MYO18A: variants seen among roughly 807,000 people sequenced by gnomAD.
MYO18A encodes the protein myosin XVIIIA.
A neutral mutation model predicts 235.8 loss-of-function variants in MYO18A; 78 were observed. That is an observed-to-expected ratio of 0.33 (90% CI 0.28 to 0.40). The LOEUF (loss-of-function observed/expected upper bound fraction) is 0.40, where lower values mean the gene tolerates loss of function less well. Among genes scored for constraint, MYO18A ranks in the 10% least tolerant of loss-of-function variants. The probability of loss-of-function intolerance (pLI) is 1.00; values close to 1 mark genes in which losing one functional copy is unlikely to be tolerated. For missense variants in MYO18A, 2,215 were observed against 2,699.3 expected (o/e 0.82, Z 3.98); for synonymous variants, 977 against 1,077.8 (o/e 0.91, Z 1.83).
chr17:29,162,719 C>T (rs185189906), intron 2 of MYO18A, among the ~76,000 whole-genome samples: 21 of 152,330 alleles, frequency 1.4e-4, no homozygotes, highest in Middle Eastern at 3.4e-3. Context: ...AGTAAGTGCT[C>T]AACAAATGCT....
intron 34 of MYO18A, 189 bp from the exon 35 acceptor site, chr17:29,091,115 G>C (rs2066388607): frequency 6.8e-6 from 4 of 587,960 alleles, no homozygotes; most frequent in Non-Finnish European, 9.1e-6. Context: ...ATGAGGGAAA[G>C]GGCTGTGTGC....
At chr17:29,170,197 C>G (rs2068371228) in intron 1 of MYO18A, among the ~76,000 whole-genome samples, 1 of 152,210 alleles carries the variant, frequency 6.6e-6, no homozygotes, top group African/African-American at 2.4e-5. Flanking sequence ...AAAGGCACCC[C>G]TCTCATCCCA....
chr17:29,158,629 G>C lies in MYO18A; in HGVS notation c.999+7313C>G, dbSNP rs907503865. ...GGCTGCCTGCCCAGGCAGCAGGGGA[G>C]CCCTCACCTCAGCTGGGTCACCAGT... On this transcript the variant is annotated intron_variant, in intron 2 of 41. Coordinates refer to ENST00000527372, the MANE Select transcript of MYO18A (RefSeq NM_078471.4). The surrounding 1 kb of genome is among the most constrained non-coding windows in gnomAD (Gnocchi z 4.3). 6.6e-6 allele frequency among the ~76,000 whole-genome samples: 1 copy of C among 152,180 alleles called. No individual in the cohort carries two copies. Among genetic ancestry groups the C allele is most frequent in the African/African-American group, 2.4e-5 (1 of 41,458 alleles).
chr17:29,140,464 C>T lies in MYO18A; in HGVS notation c.1000-18211G>A, dbSNP rs1182007454. 1 of 1,211,254 alleles carries T rather than the reference C, an allele frequency of 8.3e-7. No individual in the cohort carries two copies. Among genetic ancestry groups the T allele is most frequent in the Non-Finnish European group, 1.1e-6 (1 of 949,518 alleles). The allele number at this position is 1,211,254 out of a possible 1,614,324, so 75.0% of individuals were successfully genotyped here. On this transcript the variant is annotated intron_variant, in intron 2 of 41. Coordinates refer to ENST00000527372, the MANE Select transcript of MYO18A (RefSeq NM_078471.4). This position sits in a 1 kb window ranked among gnomAD's most constrained non-coding sequence, Gnocchi z 4.2. ...CCCAGTTCCCGCCCTCTCCCCGGCC[C>T]CTCCCGTCCCGAGCTGCCCAGCCCT...
intron 1 of MYO18A, 100 bp from the exon 2 acceptor site, chr17:29,167,121 G>T: frequency 1.2e-6 from 1 of 809,944 alleles, no homozygotes; most frequent in Non-Finnish European, 1.9e-6. Flanking sequence ...CTCACTGGGT[G>T]CTAGCTATGT....
intron 14 of MYO18A, 108 bp from the exon 15 acceptor site, chr17:29,114,205 T>C (rs759187867): frequency 3.8e-6 from 3 of 790,288 alleles, no homozygotes; most frequent in Non-Finnish European, 6.4e-6. Flanking sequence ...AACCTCCTTC[T>C]GTGCCGTGCA....
intron 2 of MYO18A, among the ~76,000 whole-genome samples, chr17:29,142,517 G>T (rs1471443345): frequency 6.6e-6 from 1 of 152,198 alleles, no homozygotes; most frequent in Admixed American, 6.5e-5. Flanking sequence ...AAGTTCTCAG[G>T]CCAGCAGCGT....
chr17:29,145,824 GC>G (rs1470056020), intron 2 of MYO18A, among the ~76,000 whole-genome samples: 1 of 152,190 alleles, frequency 6.6e-6, no homozygotes, highest in East Asian at 1.9e-4. Context: ...AAGTTCAGAG[GC>G]AAAGATCTGT....
chr17:29,136,457 T>G (rs2067606127), intron 2 of MYO18A, among the ~76,000 whole-genome samples: 1 of 152,048 alleles, frequency 6.6e-6, no homozygotes, highest in Non-Finnish European at 1.5e-5. Context: ...AAGGCCTCTC[T>G]TCCTTGACTT....
At position 29,121,773 on chromosome 17, in the gene MYO18A, C is replaced by G; in HGVS notation, c.1195-50G>C. On this transcript the variant is annotated intron_variant, in intron 4 of 41. Transcript: ENST00000527372. The surrounding 1 kb of genome is among the most constrained non-coding windows in gnomAD (Gnocchi z 4.2). Reference sequence around the variant, plus strand: ...GTATTAGAGCAGCAGAGCCCATCTCCGCTGCCAGAGGATGGGCCTGCCCTG... The same window carrying G: ...GTATTAGAGCAGCAGAGCCCATCTCGGCTGCCAGAGGATGGGCCTGCCCTG... 6.2e-7 allele frequency: 1 copy of G among 1,602,816 alleles called. No individual in the cohort carries two copies. The highest frequency in any genetic ancestry group is 8.5e-7 in the Non-Finnish European group (1 of 1,173,192).
intron 2 of MYO18A, among the ~76,000 whole-genome samples, chr17:29,154,276 C>A (rs1343850135): frequency 1.1e-4 from 17 of 152,022 alleles, no homozygotes. Flanking sequence ...GGCGTGTAGA[C>A]AGGCCTCAGT....
chr17:29,166,705 G>A lies in MYO18A; in HGVS notation c.236C>T (p.Thr79Ile). 1 of 1,613,878 alleles carries A rather than the reference G, an allele frequency of 6.2e-7. No homozygotes were observed. The highest frequency in any genetic ancestry group is 8.5e-7 in the Non-Finnish European group (1 of 1,179,886). Reference sequence around the variant, plus strand: ...CCGGTTACTATCGGAGTCAATGTCAGTCAGGTGCAGGTCAGAGCCGCTGGC... The same window carrying A: ...CCGGTTACTATCGGAGTCAATGTCAATCAGGTGCAGGTCAGAGCCGCTGGC... The part of the protein sequence containing the change: ...KVASGSDLHL[T>I]DIDSDSNRGS... The change falls in exon 2 of 42, where the codon ACT (threonine) becomes ATT (isoleucine). Residue 79 changes from threonine to isoleucine, a missense_variant. Physicochemically the swap from Thr to Ile is moderately conservative, Grantham distance 89 (BLOSUM62 -1). Coordinates refer to ENST00000527372, the MANE Select transcript of MYO18A (RefSeq NM_078471.4).
chr17:29,080,646 C>T, intron 41 of MYO18A: 1 of 985,592 alleles, frequency 1.0e-6, no homozygotes, highest in Non-Finnish European at 1.2e-6. Context: ...AGCCCCGCCG[C>T]GTGGCCGAGG....
chr17:29,080,228 G>A (rs2066086158), intron 41 of MYO18A: 9 of 985,892 alleles, frequency 9.1e-6, no homozygotes, highest in African/African-American at 1.7e-5. Flanking sequence ...CTGCTCCGCT[G>A]GAATGGAACA....
At position 29,099,677 on chromosome 17, in the gene MYO18A, G is replaced by C. The variant is rs1194772878; in HGVS notation, c.3593C>G (p.Ala1198Gly). 2.5e-6 allele frequency: 4 copies of C among 1,613,804 alleles called. No individual in the cohort carries two copies. Among genetic ancestry groups the C allele is most frequent in the Non-Finnish European group, 3.4e-6 (4 of 1,179,864 alleles). Residue 1198 changes from alanine to glycine, a missense_variant, in exon 22 of 42, where the codon GCC (alanine) becomes GGC (glycine). Physicochemically the swap from Ala to Gly is moderately conservative, Grantham distance 60 (BLOSUM62 0). Transcript: ENST00000527372. ...TSRNLTLFQA[A>G]CRGYLARQHF... ...CTGGCGGGCCAGGTAGCCCCTGCAG[G>C]CTGCTTGGAACAGGGTTAGGTTCCT...
chr17:29,079,991 G>T, intron 41 of MYO18A: 1 of 985,986 alleles, frequency 1.0e-6, no homozygotes, highest in Non-Finnish European at 1.2e-6. Flanking sequence ...CCCTTCTTCC[G>T]CCTCTTGTGC....
chr17:29,101,042 G>C (rs996927965), intron 21 of MYO18A, among the ~76,000 whole-genome samples: 1 of 152,220 alleles, frequency 6.6e-6, no homozygotes, highest in Non-Finnish European at 1.5e-5. Flanking sequence ...CTGTCACCCA[G>C]GCTGGAGTAA....
rs754214489 is a variant in MYO18A, at chr17:29,120,624, A to C, written c.1720T>G (p.Ser574Ala). 2 of 1,613,600 alleles carry C rather than the reference A, an allele frequency of 1.2e-6. No individual in the cohort carries two copies. The highest frequency in any genetic ancestry group is 1.1e-5 in the South Asian group (1 of 91,024). ...FDQAGQVASA[S>A]IQTMLLEKLR... ...CTGGGCAGCACTCTCACCTGAATGG[A>C]GGCTGAGGCCACCTGGCCAGCTTGG... Residue 574 changes from serine (S) to alanine (A), a missense_variant, in exon 7 of 42, where the codon TCC becomes GCC. Coordinates refer to ENST00000527372, the MANE Select transcript of MYO18A (RefSeq NM_078471.4). This position sits in a 1 kb window ranked among gnomAD's most constrained non-coding sequence, Gnocchi z 4.2.
At chr17:29,148,416 A>C (rs2067892946) in intron 2 of MYO18A, among the ~76,000 whole-genome samples, 1 of 152,206 alleles carries the variant, frequency 6.6e-6, no homozygotes, top group African/African-American at 2.4e-5. Context: ...TTGCTTTTGA[A>C]GTGGGAGGGC....
Sources: gnomAD v4.1 joint callset for allele counts (sites outside exome capture counted in the v4.1 genomes callset) on GRCh38, gnomAD v4.1.1 for gene constraint, Gnocchi (gnomAD v3.1) non-coding constraint, MANE v1.5 for transcripts, NCBI Gene and HGNC (gene_info 2026-07-23, HGNC 2026-07-21) for gene names.